Variants in CLPB observed in about 807,000 individuals in gnomAD.
CLPB encodes the protein mitochondrial disaggregase.
CLPB carries 40 observed loss-of-function variants against 78.4 expected under a neutral mutation model. That is an observed-to-expected ratio of 0.51 (90% CI 0.40 to 0.66). CLPB has a LOEUF of 0.66. Among genes scored for constraint, CLPB ranks in the 30% least tolerant of loss-of-function variants. The probability of loss-of-function intolerance (pLI) is 0.00; values close to 1 mark genes in which losing one functional copy is unlikely to be tolerated. For missense variants in CLPB, 780 were observed against 886.9 expected (o/e 0.88, Z 1.53); for synonymous variants, 333 against 348.0 (o/e 0.96, Z 0.48).
intron 3 of CLPB, among the ~76,000 whole-genome samples, chr11:72,387,775 C>T (rs1228404315): frequency 6.6e-6 from 1 of 152,166 alleles, no homozygotes; most frequent in Non-Finnish European, 1.5e-5. Context: ...ACCACCCTAG[C>T]ACTCATGCTG....
intron 3 of CLPB, among the ~76,000 whole-genome samples, chr11:72,397,252 C>T (rs1855434221): frequency 6.6e-6 from 1 of 152,162 alleles, no homozygotes; most frequent in African/African-American, 2.4e-5. Context: ...GGATATACCA[C>T]AATTTGTTGG....
chr11:72,415,889 C>T (rs552328789), intron 2 of CLPB, among the ~76,000 whole-genome samples: 2 of 152,242 alleles, frequency 1.3e-5, no homozygotes, highest in South Asian at 4.1e-4. Context: ...AGAGAGGGCA[C>T]CAAAACTTTC....
At chr11:72,390,922 T>TG (rs1411707763) in intron 3 of CLPB, among the ~76,000 whole-genome samples, 2 of 152,154 alleles carry the variant, frequency 1.3e-5, no homozygotes, top group Admixed American at 6.5e-5. Context: ...TGTCCACCAC[T>TG]GGGGGGACAG....
intron 4 of CLPB, among the ~76,000 whole-genome samples, chr11:72,365,307 G>A (rs532956588): frequency 6.6e-6 from 1 of 152,280 alleles, no homozygotes; most frequent in African/African-American, 2.4e-5. Flanking sequence ...GGAGGACAGA[G>A]CAAGACCCTG....
rs1949456935 is a variant in CLPB, at chr11:72,291,906, G to C, written c.*1461C>G. The C allele has an allele frequency of 6.6e-6, 1 of 151,664 alleles. No individual in the cohort carries two copies. The highest frequency in any genetic ancestry group is 2.4e-5 in the African/African-American group (1 of 41,264). 9.4% of individuals were successfully genotyped at this position (151,664 alleles called of 1,614,324 possible). A position where few individuals can be genotyped will look rare whatever the true frequency, so the allele number is the denominator to read the frequency against. ...AAAATACAAAAAGGTAGCCGGGCGT[G>C]GTGGTGGGCACCTGTAGTCCCAGCT... is the stretch of plus-strand genomic sequence containing the variant. On this transcript the variant is annotated 3_prime_UTR_variant, in exon 16 of 16. Coordinates refer to ENST00000538039, the MANE Select transcript of CLPB (RefSeq NM_001258392.3).
rs761397196 is a variant in CLPB at position 72,286,448 on chromosome 11, C to T, written c.*6919G>A. ...AACAATACAAAGAATTCATGTACAT[C>T]ATTCCCTCAGATTTCCCAAATGTTA... On this transcript the variant is annotated 3_prime_UTR_variant, in exon 16 of 16. Transcript: ENST00000538039. 7 of 150,060 alleles carry T rather than the reference C, an allele frequency of 4.7e-5. No individual in the cohort carries two copies. The highest frequency in any genetic ancestry group is 7.4e-5 in the Non-Finnish European group (5 of 67,480). 9.3% of individuals were successfully genotyped at this position (150,060 alleles called of 1,614,324 possible).
chr11:72,395,283 G>T (rs1048477780), intron 3 of CLPB, among the ~76,000 whole-genome samples: 3 of 152,072 alleles, frequency 2.0e-5, no homozygotes, highest in Non-Finnish European at 4.4e-5. Context: ...TACATCATGG[G>T]TCATCAAGAA....
At chr11:72,363,246 G>C (rs1280671839) in intron 4 of CLPB, 1 of 152,360 alleles carries the variant, frequency 6.6e-6, no homozygotes, top group Non-Finnish European at 1.5e-5. Context: ...GTGAGCATAA[G>C]AATAGAGTTC....
chr11:72,300,847 C>T (rs184648582), intron 11 of CLPB, among the ~76,000 whole-genome samples: 12 of 152,312 alleles, frequency 7.9e-5, no homozygotes, highest in Non-Finnish European at 1.5e-4. Flanking sequence ...TGGCTCCTCA[C>T]GCTCTCTTGA....
chr11:72,377,140 G>A (rs1284102851), intron 4 of CLPB, among the ~76,000 whole-genome samples: 3 of 152,154 alleles, frequency 2.0e-5, no homozygotes, highest in Admixed American at 1.3e-4. Context: ...GAAATATGGG[G>A]AAAAAGCTCT....
intron 4 of CLPB, chr11:72,363,448 T>C (rs1415929082): frequency 6.6e-6 from 1 of 152,230 alleles, no homozygotes; most frequent in Non-Finnish European, 1.5e-5. Context: ...GCCGGTGCCA[T>C]CTAATGTTAT....
intron 2 of CLPB, among the ~76,000 whole-genome samples, chr11:72,413,076 G>A (rs770971953): frequency 3.3e-5 from 5 of 152,066 alleles, no homozygotes; most frequent in Non-Finnish European, 7.4e-5. Context: ...GTCACCTGAG[G>A]TCGGGAGTTC....
intron 2 of CLPB, among the ~76,000 whole-genome samples, chr11:72,413,857 G>A (rs1165186815): frequency 6.6e-6 from 1 of 152,166 alleles, no homozygotes; most frequent in Non-Finnish European, 1.5e-5. Context: ...CTCTTCCTGA[G>A]GACTGGTTAT....
rs767622891 is a variant in CLPB, at chr11:72,312,171, T to C, written c.989-3567A>G. Among the ~76,000 whole-genome samples, 11 of 152,228 alleles carry C rather than the reference T, an allele frequency of 7.2e-5. No homozygotes were observed. The highest frequency in any genetic ancestry group is 1.3e-4 in the Non-Finnish European group (9 of 68,032). Reference sequence around the variant, plus strand: ...TCTATAAAATGGGAACAGTCACATATACTGTGTCAGCCCCACATGCAGATT... The same window carrying C: ...TCTATAAAATGGGAACAGTCACATACACTGTGTCAGCCCCACATGCAGATT... On this transcript the variant is annotated intron_variant, in intron 7 of 15. Coordinates refer to ENST00000538039, the MANE Select transcript of CLPB (RefSeq NM_001258392.3). The surrounding 1 kb of genome is among the most constrained non-coding windows in gnomAD (Gnocchi z 4.2).
intron 7 of CLPB, 99 bp downstream of exon 7, chr11:72,317,007 A>C: frequency 1.4e-6 from 1 of 737,766 alleles, no homozygotes; most frequent in Non-Finnish European, 2.2e-6. Context: ...ACAAATGCTA[A>C]TTTTTAATAT....
rs1949720262 is a variant in CLPB, at chr11:72,304,933, T to C, written c.1122+2266A>G. On this transcript the variant is annotated intron_variant, in intron 9 of 15. Transcript: ENST00000538039. ...ACGTAGCTTAAAGTCCAGGGCTCTCTTGGATTTTGAAGGCAGGTCTCAAAC... is the reference window on the plus strand; with the variant it reads ...ACGTAGCTTAAAGTCCAGGGCTCTCCTGGATTTTGAAGGCAGGTCTCAAAC... 2.0e-5 allele frequency among the ~76,000 whole-genome samples: 3 copies of C among 152,204 alleles called. No individual in the cohort carries two copies. The South Asian group carries it at 6.2e-4, about 32-fold the overall frequency.
At chr11:72,378,580 A>T (rs117966319) in intron 4 of CLPB, among the ~76,000 whole-genome samples, 4,811 of 152,304 alleles carry the variant, frequency 0.032, 144 homozygotes, top group Non-Finnish European at 0.041. Context: ...ATTCTGGGAG[A>T]TAAATTCAAG....
At chr11:72,349,424 C>T (rs1950573283) in intron 5 of CLPB, among the ~76,000 whole-genome samples, 1 of 152,212 alleles carries the variant, frequency 6.6e-6, no homozygotes, top group African/African-American at 2.4e-5. Flanking sequence ...CTATAGAGAA[C>T]ATCCCTGCTG....
chr11:72,339,553 C>T (rs576280177), intron 5 of CLPB, among the ~76,000 whole-genome samples: 6 of 152,268 alleles, frequency 3.9e-5, no homozygotes, highest in African/African-American at 7.2e-5. Context: ...AATGGACAAC[C>T]GCTTAGGAGG....
Sources: allele counts gnomAD v4.1 joint callset (sites outside exome capture counted in the v4.1 genomes callset), GRCh38; gene constraint gnomAD v4.1.1; non-coding constraint Gnocchi (gnomAD v3.1); transcripts MANE v1.5; gene names NCBI Gene and HGNC (gene_info 2026-07-23, HGNC 2026-07-21).